Variants in TSBP1 observed in about 807,000 individuals in gnomAD.
The protein encoded by TSBP1 is testis expressed basic protein 1, also known as testis-expressed basic protein 1.
TSBP1 carries 56 observed loss-of-function variants against 68.8 expected under a neutral mutation model. The observed-to-expected ratio is 0.81, with a 90% CI of 0.66 to 1.02. The LOEUF (loss-of-function observed/expected upper bound fraction) is 1.02, where lower values mean the gene tolerates loss of function less well. Among genes scored for constraint, TSBP1 ranks in the 50% least tolerant of loss-of-function variants. TSBP1 has a pLI of 0.00. For synonymous variants in TSBP1, 171 were observed against 208.7 expected (o/e 0.82, Z 1.56); for missense variants, 502 against 641.2 (o/e 0.78, Z 2.34).
chr6:32,329,003 C>T (rs9348880), intron 16 of TSBP1, among the ~76,000 whole-genome samples: 52,240 of 151,918 alleles, frequency 0.34, 10,071 homozygotes, highest in Middle Eastern at 0.52. Context: ...GTGAATATTC[C>T]ACCCAATAAT....
intron 19 of TSBP1, among the ~76,000 whole-genome samples, chr6:32,311,608 G>A (rs1766408828): frequency 6.6e-6 from 1 of 152,186 alleles, no homozygotes. Context: ...TATCTCAAGT[G>A]TCACCCTTTT....
At chr6:32,307,745 T>C (rs1469843309) in intron 19 of TSBP1, among the ~76,000 whole-genome samples, 2 of 152,006 alleles carry the variant, frequency 1.3e-5, no homozygotes, top group East Asian at 3.8e-4. Context: ...TTTGCACAAT[T>C]ATATCAAGTT....
At chr6:32,293,809 T>G in exon 23 of TSBP1, 1 of 1,613,110 alleles carries the variant, frequency 6.2e-7, no homozygotes, top group Non-Finnish European at 8.5e-7. Flanking sequence ...CCTCCATTCC[T>G]ATTTTGTCTT....
chr6:32,336,664 T>C lies in TSBP1; in HGVS notation c.410-29A>G. ...AAATACAAAAAGGAGGAAAGTGTGG[T>C]TTGACATTAATAGAATTTTCATTTT... On this transcript the variant is annotated intron_variant, in intron 11 of 22. Transcript: ENST00000612031. This position sits in a 1 kb window ranked among gnomAD's most constrained non-coding sequence, Gnocchi z 5.2. 1 of 1,605,608 alleles carries C rather than the reference T, an allele frequency of 6.2e-7. No homozygotes were observed. The highest frequency in any genetic ancestry group is 8.5e-7 in the Non-Finnish European group (1 of 1,173,406).
At chr6:32,320,130 C>T (rs1767453863) in intron 18 of TSBP1, 1 of 455,220 alleles carries the variant, frequency 2.2e-6, no homozygotes, top group African/African-American at 2.0e-5. Context: ...TCCTTGGGGG[C>T]TATCTTTCAT....
intron 22 of TSBP1, among the ~76,000 whole-genome samples, chr6:32,298,928 G>A (rs542655418): frequency 2.2e-4 from 34 of 152,328 alleles, no homozygotes; most frequent in African/African-American, 7.2e-4. Flanking sequence ...AGTTAAAAAA[G>A]TCAAACATTG....
chr6:32,315,843 AC>A lies in TSBP1; in HGVS notation c.560-52del. 1 of 1,191,088 alleles carries A rather than the reference AC, an allele frequency of 8.4e-7. No homozygotes were observed. The highest frequency in any genetic ancestry group is 1.2e-6 in the Non-Finnish European group (1 of 842,430). 73.8% of individuals were successfully genotyped at this position (1,191,088 alleles called of 1,614,324 possible). ...ATTTAATTTTTCTCAAATGGAGAAA[AC>A]ATAGCATTATCTAACATATTTTGTT... On this transcript the variant is annotated intron_variant, in intron 18 of 22. Transcript: ENST00000612031. This position sits in a 1 kb window ranked among gnomAD's most constrained non-coding sequence, Gnocchi z 5.4.
At chr6:32,366,223 T>A (rs758821662) in intron 5 of TSBP1, 36 bp from the exon 6 acceptor site, 2 of 1,592,952 alleles carry the variant, frequency 1.3e-6, no homozygotes, top group Non-Finnish European at 8.5e-7. Flanking sequence ...GATTCTTAAT[T>A]TCTCATAAAC....
exon 9 of TSBP1, chr6:32,349,745 C>T (rs1296602303): frequency 6.3e-7 from 1 of 1,592,540 alleles, no homozygotes; most frequent in Admixed American, 1.7e-5. Flanking sequence ...CTTACCAATA[C>T]TTGATCGAGA....
intron 16 of TSBP1, among the ~76,000 whole-genome samples, chr6:32,327,654 C>CTTT (rs9281739): frequency 5.4e-5 from 8 of 146,994 alleles, no homozygotes; most frequent in Non-Finnish European, 6.0e-5. Flanking sequence ...TTTTCTTTTT[C>CTTT]TTTTTTTTTT....
At position 32,292,839 on chromosome 6, in the gene TSBP1, C is replaced by G; in HGVS notation, c.*142G>C. On this transcript the variant is annotated 3_prime_UTR_variant, in exon 23 of 23. Coordinates refer to ENST00000612031, the Ensembl canonical transcript of TSBP1. The surrounding 1 kb of genome is among the most constrained non-coding windows in gnomAD (Gnocchi z 4.1). The stretch of plus-strand genomic sequence containing the variant: ...TGAGAGATTAAAAAGGGTGAAACTT[C>G]TGAAGAGCAGAAACTGTGATATGAA... 1 of 605,292 alleles carries G rather than the reference C, an allele frequency of 1.7e-6. No homozygotes were observed. Among genetic ancestry groups the G allele is most frequent in the Non-Finnish European group, 2.9e-6 (1 of 350,500 alleles). 37.5% of individuals were successfully genotyped at this position (605,292 alleles called of 1,614,324 possible). A position where few individuals can be genotyped will look rare whatever the true frequency, so the allele number is the denominator to read the frequency against.
chr6:32,319,625 C>A (rs9268229), intron 18 of TSBP1, among the ~76,000 whole-genome samples: 18,402 of 151,698 alleles, frequency 0.12, 44 homozygotes, highest in Non-Finnish European at 0.15. Context: ...ACCTCCATAG[C>A]AGGCCTGTGC....
chr6:32,300,787 T>A, intron 20 of TSBP1, 87 bp from the exon 24 acceptor site: 1 of 1,040,522 alleles, frequency 9.6e-7, no homozygotes, highest in Non-Finnish European at 1.5e-6. Flanking sequence ...GTGGGATCTG[T>A]GTCATTAACA....
At chr6:32,322,641 A>G (rs1273139961) in intron 18 of TSBP1, 135 bp from the exon 20 acceptor site, 3 of 644,704 alleles carry the variant, frequency 4.7e-6, no homozygotes, top group Non-Finnish European at 8.5e-6. Context: ...AAACCACCCT[A>G]TAGATTATTT....
intron 15 of TSBP1, among the ~76,000 whole-genome samples, chr6:32,331,120 T>G (rs1185972911): frequency 6.6e-6 from 1 of 152,222 alleles, no homozygotes; most frequent in Non-Finnish European, 1.5e-5. Context: ...TTTAGGAGAT[T>G]ATTAACCCTG....
At chr6:32,345,429 C>T (rs1162360580) in intron 9 of TSBP1, among the ~76,000 whole-genome samples, 2 of 151,790 alleles carry the variant, frequency 1.3e-5, no homozygotes, top group Non-Finnish European at 2.9e-5. Context: ...AAAGGGGACC[C>T]TTGATTAGGT....
intron 18 of TSBP1, among the ~76,000 whole-genome samples, chr6:32,317,980 G>T (rs907919219): frequency 1.8e-4 from 28 of 152,098 alleles, no homozygotes; most frequent in Non-Finnish European, 3.1e-4. Context: ...AATAAAAATT[G>T]TTCTATCATA....
intron 8 of TSBP1, among the ~76,000 whole-genome samples, chr6:32,354,343 G>A (rs976444896): frequency 6.6e-6 from 1 of 152,018 alleles, no homozygotes; most frequent in African/African-American, 2.4e-5. Flanking sequence ...TCAATTTCAG[G>A]AGTGAGCAGG....
At chr6:32,317,675 G>A (rs6927379) in intron 18 of TSBP1, among the ~76,000 whole-genome samples, 6,009 of 152,198 alleles carry the variant, frequency 0.039, 341 homozygotes, top group African/African-American at 0.12. Flanking sequence ...AAAAGAAGAC[G>A]TACATGCAGC....
Sources: allele counts gnomAD v4.1 joint callset (sites outside exome capture counted in the v4.1 genomes callset), GRCh38; gene constraint gnomAD v4.1.1; non-coding constraint Gnocchi (gnomAD v3.1); transcripts MANE v1.5; gene names NCBI Gene and HGNC (gene_info 2026-07-23, HGNC 2026-07-21).